Variants in LARS2 observed in about 807,000 individuals in gnomAD.
LARS2 encodes the protein leucyl-tRNA synthetase 2, mitochondrial, also known as leucine--tRNA ligase, mitochondrial.
LARS2 carries 81 observed loss-of-function variants against 116.6 expected under a neutral mutation model. That is an observed-to-expected ratio of 0.69 (90% CI 0.58 to 0.84). The LOEUF (loss-of-function observed/expected upper bound fraction) is 0.84. Ranked by LOEUF, LARS2 falls within the 40% of genes least tolerant of loss-of-function variation. LARS2 has a pLI of 0.00. For synonymous variants in LARS2, 396 were observed against 407.2 expected (o/e 0.97, Z 0.33); for missense variants, 968 against 1,114.5 (o/e 0.87, Z 1.87).
chr3:45,440,334 A>T (rs368888158), intron 6 of LARS2, among the ~76,000 whole-genome samples: 1 of 152,256 alleles, frequency 6.6e-6, no homozygotes, highest in Admixed American at 6.5e-5. Context: ...ATCACTAAAC[A>T]TGTTTCCTTT....
chr3:45,457,053 C>A (rs1301737449), intron 7 of LARS2, among the ~76,000 whole-genome samples: 1 of 152,222 alleles, frequency 6.6e-6, no homozygotes, highest in Non-Finnish European at 1.5e-5. Flanking sequence ...ATGCGTTTGA[C>A]CCTGGCAGCA....
chr3:45,394,979 G>A (rs1698021287), intron 3 of LARS2, among the ~76,000 whole-genome samples: 1 of 152,108 alleles, frequency 6.6e-6, no homozygotes, highest in African/African-American at 2.4e-5. Context: ...TGCGCACGAG[G>A]TGTATGACAG....
In LARS2 at chr3:45,541,857, T is replaced by C; in HGVS notation, c.2433T>C (p.Cys811=). ...TGGCGCTGGTGCCGAGGAAGCTCTG[T>C]GCCCACTACACTTGGGATGCCAGTG... ...AGLALVPRKL[C]AHYTWDASVL... The change falls in exon 21 of 22, where the codon TGT becomes TGC. Residue 811 remains cysteine (C), a synonymous_variant. Transcript: ENST00000645846. 1 of 1,614,214 alleles carries C rather than the reference T, an allele frequency of 6.2e-7. No individual in the cohort carries two copies. Among genetic ancestry groups the C allele is most frequent in the East Asian group, 2.2e-5 (1 of 44,882 alleles).
chr3:45,440,898 A>G (rs1285969201), intron 6 of LARS2, among the ~76,000 whole-genome samples: 3 of 151,990 alleles, frequency 2.0e-5, no homozygotes, highest in African/African-American at 7.3e-5. Flanking sequence ...GGAGCAGAAC[A>G]CTATTTTTTA....
chr3:45,458,665 C>A (rs911675172), intron 7 of LARS2, 78 bp from the exon 8 acceptor site: 2 of 1,466,244 alleles, frequency 1.4e-6, no homozygotes, highest in Non-Finnish European at 1.9e-6. Context: ...CTAGCCCGGG[C>A]GACAGTGCGA....
chr3:45,422,240 T>C (rs1344143920), intron 6 of LARS2: 2 of 152,214 alleles, frequency 1.3e-5, no homozygotes, highest in Non-Finnish European at 2.9e-5. Flanking sequence ...GTTTAATGAA[T>C]GTTTGAATTT....
At chr3:45,515,123 T>C (rs61692029) in intron 16 of LARS2, among the ~76,000 whole-genome samples, 3,119 of 152,302 alleles carry the variant, frequency 0.02, 88 homozygotes, top group African/African-American at 0.07. Flanking sequence ...CCAAACCCAG[T>C]TGCAGAAAAT....
chr3:45,434,598 C>T lies in LARS2; in HGVS notation c.517-12293C>T, dbSNP rs368984958. Among the ~76,000 whole-genome samples the T allele has an allele frequency of 1.8e-4, 27 of 152,270 alleles. No homozygotes were observed. The South Asian group carries it at 5.0e-3, about 28-fold the overall frequency. ...TGTTGGTGTATGTTGATAATCTTTT[C>T]GCATTCAGTTTGAAATCTTCCTGGT... On this transcript the variant is annotated intron_variant, in intron 6 of 21. Transcript: ENST00000645846.
intron 20 of LARS2, among the ~76,000 whole-genome samples, chr3:45,538,670 C>T (rs1700747265): frequency 6.6e-6 from 1 of 152,198 alleles, no homozygotes; most frequent in South Asian, 2.1e-4. Context: ...TCTTCACTTC[C>T]CTCAGGCTGA....
intron 7 of LARS2, among the ~76,000 whole-genome samples, chr3:45,455,143 T>C (rs1484293765): frequency 6.6e-6 from 1 of 151,748 alleles, no homozygotes; most frequent in Non-Finnish European, 1.5e-5. Context: ...TTTTTTTGTC[T>C]TTCATTCAAT....
intron 20 of LARS2, among the ~76,000 whole-genome samples, chr3:45,540,296 A>AC (rs1478883097): frequency 2.0e-5 from 3 of 152,146 alleles, no homozygotes; most frequent in African/African-American, 7.2e-5. Context: ...GCTGAACGTG[A>AC]CTTTTATTTT....
Position 45,491,658 on chromosome 3 carries a change from A to T in LARS2, c.1381A>T (p.Ile461Phe). ...GCGGTACTGGGGCACACCAATCCCC[A>T]TTGTCCACTGCCCAGTCTGTGGCCC... ...RQRYWGTPIP[I>F]VHCPVCGPTP... is the part of the protein sequence containing the mutation. The change falls in exon 13 of 22, where the codon ATT becomes TTT. Residue 461 changes from isoleucine (I) to phenylalanine (F), a missense_variant. Physicochemically the swap from Ile to Phe is conservative, Grantham distance 21. Transcript: ENST00000645846. The T allele has an allele frequency of 1.2e-6, 2 of 1,614,184 alleles. No homozygotes were observed. The highest frequency in any genetic ancestry group is 1.7e-6 in the Non-Finnish European group (2 of 1,180,024).
At chr3:45,397,966 C>G (rs1029626433) in intron 3 of LARS2, among the ~76,000 whole-genome samples, 1 of 152,192 alleles carries the variant, frequency 6.6e-6, no homozygotes, top group African/African-American at 2.4e-5. Flanking sequence ...TGTGGTTTTC[C>G]TAAGAGTTAT....
intron 10 of LARS2, among the ~76,000 whole-genome samples, chr3:45,479,556 T>G (rs1699664083): frequency 6.6e-6 from 1 of 152,208 alleles, no homozygotes; most frequent in Non-Finnish European, 1.5e-5. Context: ...TGTACTGTTT[T>G]GTGCTTAGCA....
intron 3 of LARS2, among the ~76,000 whole-genome samples, chr3:45,396,418 G>C (rs1321210475): frequency 6.6e-6 from 1 of 152,196 alleles, no homozygotes; most frequent in Non-Finnish European, 1.5e-5. Context: ...ATGAGAAAAT[G>C]TGTGACAAAA....
chr3:45,441,096 G>C (rs1698901313), intron 6 of LARS2, among the ~76,000 whole-genome samples: 1 of 147,046 alleles, frequency 6.8e-6, no homozygotes, highest in Admixed American at 7.0e-5. Context: ...CACAGTCTCG[G>C]CTCACTGCAA....
intron 15 of LARS2, among the ~76,000 whole-genome samples, chr3:45,511,186 G>A (rs577934657): frequency 6.6e-6 from 1 of 152,248 alleles, no homozygotes; most frequent in African/African-American, 2.4e-5. Context: ...CAGTCCAGAA[G>A]AGCTTCAACT....
intron 10 of LARS2, among the ~76,000 whole-genome samples, chr3:45,481,301 A>G (rs1256428900): frequency 6.6e-6 from 1 of 152,154 alleles, no homozygotes; most frequent in African/African-American, 2.4e-5. Context: ...CTTTTTTACT[A>G]TAGTTATAAA....
chr3:45,442,368 G>C (rs761300957), intron 6 of LARS2, among the ~76,000 whole-genome samples: 6 of 152,210 alleles, frequency 3.9e-5, no homozygotes, highest in Admixed American at 3.3e-4. Flanking sequence ...ATCTTTAAAC[G>C]TTTAGTTGTT....
Sources: gnomAD v4.1 joint callset for allele counts (sites outside exome capture counted in the v4.1 genomes callset) on GRCh38, gnomAD v4.1.1 for gene constraint, MANE v1.5 for transcripts, NCBI Gene and HGNC (gene_info 2026-07-23, HGNC 2026-07-21) for gene names.